TRAK2: variants seen among roughly 807,000 people sequenced by gnomAD.
The protein encoded by TRAK2 is trafficking kinesin protein 2.
In TRAK2, 81 loss-of-function variants were observed where a neutral mutation model predicts 104.6. That is an observed-to-expected ratio of 0.77 (90% CI 0.65 to 0.93). TRAK2 has a LOEUF of 0.93. Ranked by LOEUF, TRAK2 falls within the 40% of genes least tolerant of loss-of-function variation. The probability of loss-of-function intolerance (pLI) is 0.00; values close to 1 mark genes in which losing one functional copy is unlikely to be tolerated. For synonymous variants in TRAK2, 406 were observed against 394.4 expected (o/e 1.03, Z -0.35); for missense variants, 1,002 against 1,089.0 (o/e 0.92, Z 1.12).
chr2:201,420,783 C>G (rs928920133), intron 1 of TRAK2, 77 bp from the exon 2 acceptor site: 1 of 294,558 alleles, frequency 3.4e-6, no homozygotes, highest in African/African-American at 2.2e-5. Context: ...AAATGTCCAT[C>G]ATGAAAAATG....
Position 201,380,825 on chromosome 2 carries a change from G to C in TRAK2, c.2463C>G (p.Ser821=). 1 of 1,614,064 alleles carries C rather than the reference G, an allele frequency of 6.2e-7. No homozygotes were observed. The highest frequency in any genetic ancestry group is 8.5e-7 in the Non-Finnish European group (1 of 1,180,000). ...FLQEMYGLRP[S]RNPPDVGQLK... is the part of the protein sequence containing the mutation. ...ACTGGCCAACATCAGGAGGGTTCCG[G>C]GAGGGTCTCAAGCCATACATCTCCT... The change falls in exon 16 of 16, where the codon TCC becomes TCG. Residue 821 remains serine, a synonymous_variant. Coordinates refer to ENST00000332624, the MANE Select transcript of TRAK2 (RefSeq NM_015049.3).
intron 2 of TRAK2, among the ~76,000 whole-genome samples, chr2:201,409,148 T>G (rs1326439245): frequency 6.6e-6 from 1 of 152,216 alleles, no homozygotes; most frequent in Non-Finnish European, 1.5e-5. Flanking sequence ...AACCCTCAGT[T>G]TCCTCATCTG....
At chr2:201,415,725 C>T (rs2540339) in intron 2 of TRAK2, among the ~76,000 whole-genome samples, 44,077 of 151,936 alleles carry the variant, frequency 0.29, 6,699 homozygotes, top group Admixed American at 0.38. Context: ...AACAGAACAT[C>T]AGTGGCTGTG....
At chr2:201,390,937 G>A (rs1399986993) in intron 10 of TRAK2, among the ~76,000 whole-genome samples, 2 of 151,730 alleles carry the variant, frequency 1.3e-5, no homozygotes, top group Non-Finnish European at 2.9e-5. Flanking sequence ...GCAATGGTGT[G>A]AACTCATGAT....
At position 201,399,478 on chromosome 2, in the gene TRAK2, C is replaced by G; in HGVS notation, c.379G>C (p.Glu127Gln). Residue 127 changes from glutamate to glutamine, a missense_variant, in exon 5 of 16, where the codon GAA becomes CAA. Coordinates refer to ENST00000332624, the MANE Select transcript of TRAK2 (RefSeq NM_015049.3). ...HLLAERDRDL[E>Q]LAARIGQALL... is the part of the protein sequence containing the mutation. ...GCTTGTCCAATTCGAGCAGCGAGTT[C>G]CAGATCACGATCCCTCTGTTAAAAT... is the stretch of plus-strand genomic sequence containing the variant. 6.2e-7 allele frequency: 1 copy of G among 1,612,256 alleles called. No individual in the cohort carries two copies. The highest frequency in any genetic ancestry group is 8.5e-7 in the Non-Finnish European group (1 of 1,178,610).
intron 3 of TRAK2, among the ~76,000 whole-genome samples, chr2:201,406,120 C>T (rs921689713): frequency 2.6e-5 from 4 of 152,146 alleles, no homozygotes; most frequent in African/African-American, 4.8e-5. Context: ...CAAACTAAAA[C>T]GTCAAGAAAG....
chr2:201,406,693 A>G (rs1449280684), intron 3 of TRAK2, among the ~76,000 whole-genome samples: 2 of 152,230 alleles, frequency 1.3e-5, no homozygotes, highest in African/African-American at 4.8e-5. Flanking sequence ...TATAAATTCT[A>G]ACAGCTACTG....
intron 2 of TRAK2, among the ~76,000 whole-genome samples, chr2:201,417,241 C>CAAAAAAAAAAAAAAAAGAAAAGAAAAAA (rs1951700395): frequency 1.1e-5 from 1 of 88,432 alleles, no homozygotes; most frequent in African/African-American, 4.7e-5. Context: ...GAAGACATTG[C>CAAAAAAAAAAAAAAAAGAAAAGAAAAAA]AAAAAAAAAA....
At chr2:201,389,948 T>C (rs1273214513) in intron 10 of TRAK2, 68 bp from the exon 11 acceptor site, 3 of 1,231,620 alleles carry the variant, frequency 2.4e-6, no homozygotes, top group African/African-American at 3.1e-5. Context: ...TCTACAATCC[T>C]ATACTTTTGG....
chr2:201,428,403 C>A (rs1056651707), intron 1 of TRAK2, among the ~76,000 whole-genome samples: 3 of 152,188 alleles, frequency 2.0e-5, no homozygotes, highest in East Asian at 1.9e-4. Context: ...CCAGTTTTCC[C>A]AGCACCATTT....
rs1951493056 is a variant in TRAK2, at chr2:201,395,416, C to T, written c.798G>A (p.Met266Ile). The T allele has an allele frequency of 3.2e-6, 5 of 1,569,738 alleles. No individual in the cohort carries two copies. Among genetic ancestry groups the T allele is most frequent in the Non-Finnish European group, 4.3e-6 (5 of 1,149,632 alleles). The change falls in exon 8 of 16, where the codon ATG (methionine) becomes ATA (isoleucine). Residue 266 changes from methionine (M) to isoleucine (I), a missense_variant. Met to Ile is a conservative substitution (Grantham distance 10). Coordinates refer to ENST00000332624, the MANE Select transcript of TRAK2 (RefSeq NM_015049.3). ...CACTCTTCCCTGACAATTCTTCAGT[C>T]ATTCTGGACATCTGAGCATTTGTTT... is the stretch of plus-strand genomic sequence containing the variant. The part of the protein sequence containing the change: ...LRETNAQMSR[M>I]TEELSGKSDE...
chr2:201,395,945 C>T (rs1465495194), intron 7 of TRAK2, among the ~76,000 whole-genome samples: 1 of 152,188 alleles, frequency 6.6e-6, no homozygotes, highest in African/African-American at 2.4e-5. Flanking sequence ...GGAAATGCTT[C>T]TGTAGGAGAC....
intron 7 of TRAK2, among the ~76,000 whole-genome samples, chr2:201,396,122 C>A (rs1224726654): frequency 2.0e-5 from 3 of 152,038 alleles, no homozygotes; most frequent in Non-Finnish European, 2.9e-5. Context: ...CATGTAAATA[C>A]AAGCAGAAAA....
At chr2:201,405,694 A>G (rs992820766) in intron 3 of TRAK2, among the ~76,000 whole-genome samples, 1 of 152,228 alleles carries the variant, frequency 6.6e-6, no homozygotes, top group Non-Finnish European at 1.5e-5. Flanking sequence ...GAAAGTTCTC[A>G]GCAATTTAGG....
rs1361223836 is a variant in TRAK2 at position 201,379,685 on chromosome 2, G to A, written c.*858C>T. ...GCCTCCAAGGAATTTTTAAAAACAT[G>A]CAATTATGTTTGTATTCCTTGGCTA... On this transcript the variant is annotated 3_prime_UTR_variant, in exon 16 of 16. Transcript: ENST00000332624. 1 of 152,516 alleles carries A rather than the reference G, an allele frequency of 6.6e-6. No homozygotes were observed. The highest frequency in any genetic ancestry group is 1.9e-4 in the East Asian group (1 of 5,196). The allele number at this position is 152,516 out of a possible 1,614,324, so 9.4% of individuals were successfully genotyped here.
chr2:201,389,856 C>T lies in TRAK2; in HGVS notation c.1138G>A (p.Gly380Arg). The T allele has an allele frequency of 6.2e-7, 1 of 1,613,344 alleles. No individual in the cohort carries two copies. Among genetic ancestry groups the T allele is most frequent in the African/African-American group, 1.3e-5 (1 of 74,966 alleles). The change falls in exon 11 of 16, where the codon GGG (glycine) becomes AGG (arginine). Residue 380 changes from glycine to arginine, a missense_variant. By Grantham distance (125) the Gly-to-Arg change is moderately radical (BLOSUM62 -2). Transcript: ENST00000332624. ...AAACTCAGCTTTTTACGCATAGTCC[C>T]CTCAATCTCAGCTGCCAAAGATTCC... ...TGESLAAEIEGTMRKKLSLDE... is the reference protein window; with the variant it reads ...TGESLAAEIERTMRKKLSLDE...
chr2:201,431,280 C>T (rs1180275349), intron 1 of TRAK2, among the ~76,000 whole-genome samples: 1 of 152,224 alleles, frequency 6.6e-6, no homozygotes, highest in African/African-American at 2.4e-5. Context: ...GCTACTACAA[C>T]AAATTACCAC....
chr2:201,399,496 G>A lies in TRAK2; in HGVS notation c.364-3C>T, dbSNP rs374926467. ...GCGAGTTCCAGATCACGATCCCTCT[G>A]TTAAAATACCAAATACACCTTTTCT... On this transcript the variant is annotated splice_region_variant and splice_polypyrimidine_tract_variant and intron_variant, in intron 4 of 15. Transcript: ENST00000332624. 1.7e-5 allele frequency: 28 copies of A among 1,606,580 alleles called. No individual in the cohort carries two copies. Among genetic ancestry groups the A allele is most frequent in the Non-Finnish European group, 2.3e-5 (27 of 1,173,902 alleles).
At chr2:201,390,398 C>CAAAAAA (rs35677800) in intron 10 of TRAK2, among the ~76,000 whole-genome samples, 5 of 130,400 alleles carry the variant, frequency 3.8e-5, no homozygotes, top group Non-Finnish European at 6.4e-5. Flanking sequence ...CAAAAAAATA[C>CAAAAAA]AAAAAAAAAA....
Sources: gnomAD v4.1 joint callset for allele counts (sites outside exome capture counted in the v4.1 genomes callset) on GRCh38, gnomAD v4.1.1 for gene constraint, MANE v1.5 for transcripts, NCBI Gene and HGNC (gene_info 2026-07-23, HGNC 2026-07-21) for gene names.